GSE1: variants seen among roughly 807,000 people sequenced by gnomAD.
GSE1 encodes the protein genetic suppressor element 1.
GSE1 carries 32 observed loss-of-function variants against 112.6 expected under a neutral mutation model. The observed-to-expected ratio is 0.28, with a 90% CI of 0.21 to 0.38. The LOEUF (loss-of-function observed/expected upper bound fraction) is 0.38, where lower values mean the gene tolerates loss of function less well. GSE1 is among the 10% of genes least tolerant of loss of function. The probability of loss-of-function intolerance (pLI) is 1.00; values close to 1 mark genes in which losing one functional copy is unlikely to be tolerated. For synonymous variants in GSE1, 1,115 were observed against 735.6 expected (o/e 1.52, Z -8.35); for missense variants, 2,348 against 1,699.2 (o/e 1.38, Z -6.71).
intron 1 of GSE1, among the ~76,000 whole-genome samples, chr16:85,246,216 C>G (rs1422721592): frequency 6.9e-6 from 1 of 144,160 alleles, no homozygotes; most frequent in Non-Finnish European, 1.5e-5. Flanking sequence ...CACACACACA[C>G]ACACACACAC....
chr16:85,266,212 C>T (rs754089331), intron 1 of GSE1, among the ~76,000 whole-genome samples: 2 of 152,140 alleles, frequency 1.3e-5, no homozygotes, highest in African/African-American at 2.4e-5. Flanking sequence ...CCTTGGGGGC[C>T]GTAGTGCCCC....
chr16:85,638,243 G>C (rs899262122), intron 2 of GSE1, among the ~76,000 whole-genome samples: 1 of 152,248 alleles, frequency 6.6e-6, no homozygotes, highest in African/African-American at 2.4e-5. Context: ...GCGCTGCCCT[G>C]GGAGAAAGGC....
chr16:85,623,392 C>T (rs911631652), intron 1 of GSE1, among the ~76,000 whole-genome samples: 4 of 152,148 alleles, frequency 2.6e-5, no homozygotes, highest in African/African-American at 4.8e-5. Flanking sequence ...CTTGTCCAAT[C>T]ATTTGCACCC....
At chr16:85,380,893 C>T (rs1001244485) in intron 2 of GSE1, among the ~76,000 whole-genome samples, 15 of 152,158 alleles carry the variant, frequency 9.9e-5, no homozygotes, top group Admixed American at 2.0e-4. Context: ...GGCATGGGAA[C>T]GCGGTGAGCC....
At chr16:85,282,506 A>G (rs1266405528) in intron 1 of GSE1, among the ~76,000 whole-genome samples, 1 of 152,182 alleles carries the variant, frequency 6.6e-6, no homozygotes, top group Non-Finnish European at 1.5e-5. Flanking sequence ...GAACCCGGTG[A>G]GGGCTGGAAA....
At position 85,396,945 on chromosome 16, in the gene GSE1, C is replaced by T. The variant is rs180936369; in HGVS notation, c.2464+39302C>T. On this transcript the variant is annotated intron_variant, in intron 2 of 2. Transcript: ENST00000637419. ...TCATGGAGAGAGACAGAGGAAGACA[C>T]CCAGGCAGAGAACAGAGTGACAGGT... Among the ~76,000 whole-genome samples, 91 of 152,296 alleles carry T rather than the reference C, an allele frequency of 6.0e-4. 1 individual carries two copies. Among genetic ancestry groups the T allele is most frequent in the Non-Finnish European group, 1.1e-3 (77 of 68,022 alleles).
At chr16:85,191,521 A>T (rs963058831) in intron 1 of GSE1, among the ~76,000 whole-genome samples, 5 of 152,236 alleles carry the variant, frequency 3.3e-5, no homozygotes, top group Non-Finnish European at 5.9e-5. Flanking sequence ...ATGAAGGAGC[A>T]GTGCTCCCTG....
chr16:85,421,960 C>A (rs978798632), intron 2 of GSE1, among the ~76,000 whole-genome samples: 35 of 152,176 alleles, frequency 2.3e-4, no homozygotes, highest in East Asian at 5.8e-4. Context: ...CCCCACAGCA[C>A]CCCCCTTGAG....
At chr16:85,655,125 C>T (rs1043785252) in intron 5 of GSE1, 134 bp downstream of exon 5, 2 of 670,010 alleles carry the variant, frequency 3.0e-6, no homozygotes, top group Admixed American at 2.2e-5. Flanking sequence ...CCCCTGAAAT[C>T]GTCCCCAGCT....
chr16:85,483,488 C>T (rs1179019167), intron 2 of GSE1, among the ~76,000 whole-genome samples: 1 of 152,260 alleles, frequency 6.6e-6, no homozygotes, highest in East Asian at 1.9e-4. Context: ...TCCCGTGGCC[C>T]AGCGCAGCCC....
chr16:85,623,247 C>CTCTG (rs2048853142), intron 1 of GSE1, among the ~76,000 whole-genome samples: 1 of 149,228 alleles, frequency 6.7e-6, no homozygotes, highest in Admixed American at 6.7e-5. Flanking sequence ...CAGGGTCTCG[C>CTCTG]TCTGTCACCT....
chr16:85,568,597 G>C (rs1304712776), intron 1 of GSE1, among the ~76,000 whole-genome samples: 2 of 152,210 alleles, frequency 1.3e-5, no homozygotes, highest in African/African-American at 4.8e-5. Flanking sequence ...TACAGGGTTG[G>C]TTGATCAGTG....
At chr16:85,171,106 CGCTGTGAAGTCCGCAGCTGCCCCAAGT>C in exon 1 of GSE1, 1 of 985,690 alleles carries the variant, frequency 1.0e-6, no homozygotes, top group Non-Finnish European at 1.2e-6. Flanking sequence ...CCCCAACAAG[CGCTGTGAAGTCCGCAGCTGCCCCAAGT>C]GCTTCAGCGT....
chr16:85,282,870 C>A (rs2044896417), intron 1 of GSE1: 1 of 152,304 alleles, frequency 6.6e-6, no homozygotes, highest in African/African-American at 2.4e-5. Flanking sequence ...ACAGTCATCA[C>A]TGATGATCTT....
intron 2 of GSE1, among the ~76,000 whole-genome samples, chr16:85,477,604 A>G (rs1597879666): frequency 7.1e-6 from 1 of 140,068 alleles, no homozygotes. Context: ...TCTGTCGCCC[A>G]GGCTGGAGTG....
intron 2 of GSE1, among the ~76,000 whole-genome samples, chr16:85,522,013 A>T (rs1265954058): frequency 6.6e-6 from 1 of 152,196 alleles, no homozygotes; most frequent in African/African-American, 2.4e-5. Context: ...TCCCATGGGA[A>T]CCTCTCCAGA....
At chr16:85,246,585 T>C (rs1391252757) in intron 1 of GSE1, among the ~76,000 whole-genome samples, 3 of 146,786 alleles carry the variant, frequency 2.0e-5, no homozygotes, top group African/African-American at 7.5e-5. Flanking sequence ...AGTCGTCTAA[T>C]TATCCCCGGC....
At position 85,657,880 on chromosome 16, in the gene GSE1, C is replaced by T. The variant is rs560259408; in HGVS notation, c.1640+276C>T. On this transcript the variant is annotated intron_variant, in intron 8 of 15. Coordinates refer to ENST00000253458, the MANE Select transcript of GSE1 (RefSeq NM_014615.5). ...CCAGGGCACTGCACACGCAGCCTGA[C>T]CTAGTTCCCAGGAGGCCATTCACAG... is the stretch of plus-strand genomic sequence containing the variant. Among the ~76,000 whole-genome samples the T allele has an allele frequency of 1.8e-4, 28 of 152,324 alleles. 1 individual carries two copies. The highest frequency in any genetic ancestry group is 6.5e-4 in the African/African-American group (27 of 41,574).
chr16:85,234,092 C>G (rs568483110), intron 1 of GSE1, among the ~76,000 whole-genome samples: 25 of 152,304 alleles, frequency 1.6e-4, no homozygotes, highest in African/African-American at 6.0e-4. Context: ...TTTTAACAAC[C>G]ATTGTAGGCG....
Sources: allele counts gnomAD v4.1 joint callset (sites outside exome capture counted in the v4.1 genomes callset), GRCh38; gene constraint gnomAD v4.1.1; transcripts MANE v1.5; gene names NCBI Gene and HGNC (gene_info 2026-07-23, HGNC 2026-07-21).